RUFY2: variants seen among roughly 807,000 people sequenced by gnomAD.
The protein encoded by RUFY2 is RUN and FYVE domain containing 2.
RUFY2 carries 49 observed loss-of-function variants against 94.4 expected under a neutral mutation model. The observed-to-expected ratio is 0.52, with a 90% CI of 0.41 to 0.66. The LOEUF (loss-of-function observed/expected upper bound fraction) is 0.66. Among genes scored for constraint, RUFY2 ranks in the 30% least tolerant of loss-of-function variants. The pLI is 0.00. For missense variants in RUFY2, 541 were observed against 692.8 expected, an observed-to-expected ratio of 0.78 and a Z score of 2.46; for synonymous variants, 255 against 235.7, an observed-to-expected ratio of 1.08 and a Z score of -0.75.
At position 68,363,605 on chromosome 10, in the gene RUFY2, C is replaced by T. The variant is rs1314018835; in HGVS notation, c.1535G>A (p.Gly512Asp). 4 of 1,599,958 alleles carry T rather than the reference C, an allele frequency of 2.5e-6. No homozygotes were observed. The highest frequency in any genetic ancestry group is 1.8e-4 in the Middle Eastern group (1 of 5,440). The part of the protein sequence containing the change: ...HEQEQALQEL[G>D]NKLSESKLKI... ...AAGAAATTACTCGCTAAGCTTGTTG[C>T]CGAGTTCTTGAAGAGCTTGCTCTTG... The change falls in exon 15 of 18, where the codon GGC (glycine) becomes GAC (aspartate). Residue 512 changes from glycine to aspartate, a missense_variant. Gly to Asp is a moderately conservative substitution (Grantham distance 94). This residue lies in a region of RUFY2 where 403 missense variants were observed against 480.7 expected (regional missense o/e 0.84). Transcript: ENST00000602465.
Position 68,407,228 on chromosome 10 carries a change from C to A in RUFY2, c.-39G>T. On this transcript the variant is annotated 5_prime_UTR_variant, in exon 1 of 18. Transcript: ENST00000602465. Reference sequence around the variant, plus strand: ...GCGCGGTCTCGGGCGGAGGCTCCCTCGGCCTGTCCAGCAGCTCCTTCCAGG... The same window carrying A: ...GCGCGGTCTCGGGCGGAGGCTCCCTAGGCCTGTCCAGCAGCTCCTTCCAGG... 7.3e-7 allele frequency: 1 copy of A among 1,376,046 alleles called. No individual in the cohort carries two copies. Among genetic ancestry groups the A allele is most frequent in the South Asian group, 1.7e-5 (1 of 59,818 alleles). The allele number at this position is 1,376,046 out of a possible 1,614,324, so 85.2% of individuals were successfully genotyped here.
At chr10:68,348,169 T>G (rs967393353) in intron 16 of RUFY2, among the ~76,000 whole-genome samples, 6 of 151,370 alleles carry the variant, frequency 4.0e-5, no homozygotes, top group Non-Finnish European at 2.9e-5. Flanking sequence ...AAGAGTCAGA[T>G]AGCTTGAATC....
At chr10:68,404,889 CAATGAAA>C (rs767125520) in intron 1 of RUFY2, 45 bp from the exon 2 acceptor site, 1 of 1,462,678 alleles carries the variant, frequency 6.8e-7, no homozygotes, top group Admixed American at 2.2e-5. Context: ...TAAGACATGA[CAATGAAA>C]AATATACAAA....
chr10:68,355,919 A>G (rs985696936), intron 15 of RUFY2, among the ~76,000 whole-genome samples: 5 of 151,596 alleles, frequency 3.3e-5, no homozygotes, highest in Admixed American at 6.6e-5. Flanking sequence ...ATCTCAAAAA[A>G]AAAAAAAAAG....
intron 3 of RUFY2, among the ~76,000 whole-genome samples, chr10:68,397,687 G>T (rs530926628): frequency 6.6e-6 from 1 of 152,178 alleles, no homozygotes; most frequent in South Asian, 2.1e-4. Flanking sequence ...GCTGAGACAG[G>T]AGGTTGCTTA....
At chr10:68,355,126 C>T (rs1321107914) in intron 16 of RUFY2, among the ~76,000 whole-genome samples, 1 of 152,072 alleles carries the variant, frequency 6.6e-6, no homozygotes, top group Non-Finnish European at 1.5e-5. Context: ...GGATTACGGG[C>T]GTGAGCCACT....
chr10:68,376,728 A>C (rs1185764993), intron 13 of RUFY2, 125 bp downstream of exon 13: 4 of 962,924 alleles, frequency 4.2e-6, no homozygotes, highest in Non-Finnish European at 6.2e-6. Context: ...TGTTTTTTAA[A>C]GTAAACACTA....
intron 13 of RUFY2, among the ~76,000 whole-genome samples, chr10:68,376,102 C>T (rs1176048536): frequency 1.4e-5 from 2 of 143,524 alleles, no homozygotes; most frequent in African/African-American, 5.2e-5. Flanking sequence ...GACTCCATCT[C>T]GAAGGAAAAA....
At position 68,364,010 on chromosome 10, in the gene RUFY2, T is replaced by C; in HGVS notation, c.1429A>G (p.Thr477Ala). 6.2e-7 allele frequency: 1 copy of C among 1,605,480 alleles called. No individual in the cohort carries two copies. Among genetic ancestry groups the C allele is most frequent in the Non-Finnish European group, 8.5e-7 (1 of 1,173,044 alleles). Residue 477 changes from threonine to alanine, a missense_variant, in exon 14 of 18, where the codon ACT becomes GCT. Physicochemically the swap from Thr to Ala is moderately conservative, Grantham distance 58. Around this residue, in one of 3 missense-constraint regions of RUFY2, gnomAD observed 403 missense variants for 480.7 expected, o/e 0.84. Transcript: ENST00000602465. Reference protein sequence around the residue: ...KDALSHLRNETQQIISLKKEF... With the variant: ...KDALSHLRNEAQQIISLKKEF... The stretch of plus-strand genomic sequence containing the variant: ...TTTTTAAGACTAATGATTTGTTGAG[T>C]CTCATTTCTAAGATGAGATAAGGCA...
At chr10:68,364,368 A>G (rs1323479559) in intron 13 of RUFY2, among the ~76,000 whole-genome samples, 1 of 152,212 alleles carries the variant, frequency 6.6e-6, no homozygotes, top group Non-Finnish European at 1.5e-5. Context: ...AATTTCATAT[A>G]CATAAATATT....
At position 68,378,379 on chromosome 10, in the gene RUFY2, T is replaced by C. The variant is rs138709597; in HGVS notation, c.1205+1045A>G. On this transcript the variant is annotated intron_variant, in intron 12 of 17. Coordinates refer to ENST00000602465, the MANE Select transcript of RUFY2 (RefSeq NM_001330103.2). The stretch of plus-strand genomic sequence containing the variant: ...GCACAAGGTTTGAGGAACGTATGTC[T>C]GGAAATCCAAGTGCACCCACTCTGC... The C allele has an allele frequency of 2.1e-4, 253 of 1,232,582 alleles. No individual in the cohort carries two copies. The African/African-American group carries it at 3.6e-3, about 18-fold the overall frequency. The allele number at this position is 1,232,582 out of a possible 1,614,324, so 76.4% of individuals were successfully genotyped here.
rs970962243 is a variant in RUFY2 at position 68,363,773 on chromosome 10, C to T, written c.1456-89G>A. 26 of 914,566 alleles carry T rather than the reference C, an allele frequency of 2.8e-5. No homozygotes were observed. In the African/African-American group the frequency reaches 4.0e-4, roughly 14 times the overall value. The allele number at this position is 914,566 out of a possible 1,614,324, so 56.7% of individuals were successfully genotyped here. ...ACATATACCATTAATTAGAAACAAA[C>T]ATCCTTTAGCTTTTTAAAAGAAACA... On this transcript the variant is annotated intron_variant, in intron 14 of 17. Coordinates refer to ENST00000602465, the MANE Select transcript of RUFY2 (RefSeq NM_001330103.2).
intron 16 of RUFY2, among the ~76,000 whole-genome samples, chr10:68,351,479 T>C (rs552721196): frequency 6.8e-6 from 1 of 146,036 alleles, no homozygotes; most frequent in Non-Finnish European, 1.5e-5. Context: ...AGACGGAATC[T>C]TGCTCTGTCG....
At chr10:68,368,524 T>C (rs1337266006) in intron 13 of RUFY2, among the ~76,000 whole-genome samples, 1 of 151,676 alleles carries the variant, frequency 6.6e-6, no homozygotes, top group Admixed American at 6.6e-5. Context: ...CCAAGAGTGG[T>C]GGCACATGCT....
In RUFY2 at chr10:68,383,889, T is replaced by A. The variant is rs780390187; in HGVS notation, c.848A>T (p.Glu283Val). 1 of 1,613,840 alleles carries A rather than the reference T, an allele frequency of 6.2e-7. No individual in the cohort carries two copies. The highest frequency in any genetic ancestry group is 8.5e-7 in the Non-Finnish European group (1 of 1,179,944). Reference protein sequence around the residue: ...LEVTKVDVETELQTYKHSRQG... With the variant: ...LEVTKVDVETVLQTYKHSRQG... ...ACGAGAATGCTTATATGTTTGAAGC[T>A]CAGTTTCCACATCTACTTTGGTAAC... The change falls in exon 10 of 18, where the codon GAG becomes GTG. Residue 283 changes from glutamate (E) to valine (V), a missense_variant. Around this residue, in one of 3 missense-constraint regions of RUFY2, gnomAD observed 403 missense variants for 480.7 expected, o/e 0.84. Coordinates refer to ENST00000602465, the MANE Select transcript of RUFY2 (RefSeq NM_001330103.2).
chr10:68,383,094 G>C (rs571554212), intron 10 of RUFY2, among the ~76,000 whole-genome samples: 2 of 151,964 alleles, frequency 1.3e-5, no homozygotes, highest in Admixed American at 6.6e-5. Flanking sequence ...GGAGGCCAAG[G>C]CAGGTGGATC....
intron 13 of RUFY2, 113 bp downstream of exon 13, chr10:68,376,740 A>G: frequency 9.3e-7 from 1 of 1,073,548 alleles, no homozygotes; most frequent in South Asian, 1.5e-5. Context: ...TAAACACTAA[A>G]AGCTAACTGG....
At chr10:68,395,245 G>A (rs1224780702) in intron 4 of RUFY2, among the ~76,000 whole-genome samples, 1 of 151,906 alleles carries the variant, frequency 6.6e-6, no homozygotes, top group Non-Finnish European at 1.5e-5. Context: ...GGCTGAGACA[G>A]GAGAATTGCC....
intron 13 of RUFY2, among the ~76,000 whole-genome samples, chr10:68,371,302 A>G (rs925104208): frequency 6.0e-5 from 9 of 151,060 alleles, no homozygotes; most frequent in Non-Finnish European, 4.4e-5. Context: ...GGTGCCTATA[A>G]TCCCAGCTAC....
Sources: gnomAD v4.1 joint callset for allele counts (sites outside exome capture counted in the v4.1 genomes callset) on GRCh38, gnomAD v4.1.1 for gene constraint, gnomAD v4.1.1 regional missense constraint, MANE v1.5 for transcripts, NCBI Gene and HGNC (gene_info 2026-07-23, HGNC 2026-07-21) for gene names.